The following PKM variants were observed in gnomAD, a reference collection of about 807,000 sequenced individuals.
PKM encodes the protein pyruvate kinase PKM.
Under a neutral mutation model 49.8 loss-of-function variants are expected in PKM, and 18 were observed. The observed-to-expected ratio is 0.36, with a 90% confidence interval of 0.25 to 0.54. The LOEUF (loss-of-function observed/expected upper bound fraction) is 0.54. PKM is among the 20% of genes least tolerant of loss of function. The pLI is 0.89. For synonymous variants in PKM, 239 were observed against 261.8 expected (o/e 0.91, Z 0.84); for missense variants, 508 against 713.8 (o/e 0.71, Z 3.28).
At chr15:72,224,121 G>A (rs1312956371) in intron 1 of PKM, among the ~76,000 whole-genome samples, 1 of 152,172 alleles carries the variant, frequency 6.6e-6, no homozygotes, top group Non-Finnish European at 1.5e-5. Flanking sequence ...GTCCTCAGAT[G>A]CCGAGGATTT....
At chr15:72,206,475 G>A (rs1379863981) in intron 8 of PKM, 2 of 546,772 alleles carry the variant, frequency 3.7e-6, no homozygotes, top group African/African-American at 1.9e-5. Context: ...TAAACTGTGT[G>A]GTGTCCAATG....
intron 1 of PKM, among the ~76,000 whole-genome samples, chr15:72,225,088 A>ATTTT (rs59687887): frequency 8.6e-6 from 1 of 116,646 alleles, no homozygotes; most frequent in Admixed American, 9.1e-5. Flanking sequence ...GGCCCGGCTA[A>ATTTT]TTTTTTTTTT....
chr15:72,218,940 T>C lies in PKM; in HGVS notation c.154+4A>G. 6.2e-7 allele frequency: 1 copy of C among 1,614,084 alleles called. No homozygotes were observed. The highest frequency in any genetic ancestry group is 8.5e-7 in the Non-Finnish European group (1 of 1,180,004). On this transcript the variant is annotated splice_donor_region_variant and intron_variant, in intron 2 of 10. Coordinates refer to ENST00000335181, the MANE Select transcript of PKM (RefSeq NM_002654.6). Reference sequence around the variant, plus strand: ...TTTTTGGGGGAAGGGGCACACCCACTCACCAATGGTACAGATGATGCCAGT... The same window carrying C: ...TTTTTGGGGGAAGGGGCACACCCACCCACCAATGGTACAGATGATGCCAGT...
intron 1 of PKM, among the ~76,000 whole-genome samples, chr15:72,225,285 A>AT (rs1024939857): frequency 2.6e-5 from 4 of 151,240 alleles, no homozygotes; most frequent in Non-Finnish European, 5.9e-5. Context: ...TATACAGTTC[A>AT]TTTTTTCTCC....
chr15:72,203,529 C>T, intron 8 of PKM: 1 of 356,290 alleles, frequency 2.8e-6, no homozygotes, highest in Non-Finnish European at 5.4e-6. Context: ...TGGCAGAGGA[C>T]TTGACCACGC....
At chr15:72,222,250 G>A (rs886198939) in intron 1 of PKM, among the ~76,000 whole-genome samples, 2 of 152,188 alleles carry the variant, frequency 1.3e-5, no homozygotes, top group East Asian at 3.8e-4. Flanking sequence ...TTGCTTGTCA[G>A]CAAGTTCATC....
At chr15:72,205,098 C>T (rs1460918763) in intron 8 of PKM, among the ~76,000 whole-genome samples, 2 of 148,880 alleles carry the variant, frequency 1.3e-5, no homozygotes, top group African/African-American at 5.2e-5. Flanking sequence ...CACTCTCTAC[C>T]GATTTTTTTG....
rs372610776 is a variant in PKM, at chr15:72,211,260, G to A, written c.247-782C>T. On this transcript the variant is annotated intron_variant, in intron 3 of 10. Transcript: ENST00000335181. Reference sequence around the variant, plus strand: ...CTTCTTCGATTTTTAGTAGAGACGGGGTTTCACCATGTTAGCCAGGATGGT... The same window carrying A: ...CTTCTTCGATTTTTAGTAGAGACGGAGTTTCACCATGTTAGCCAGGATGGT... Among the ~76,000 whole-genome samples the A allele has an allele frequency of 8.2e-4, 124 of 152,000 alleles. No homozygotes were observed. The South Asian group carries it at 0.023, about 28-fold the overall frequency.
Position 72,199,474 on chromosome 15 carries a change from T to C in PKM, c.*176A>G, listed in dbSNP as rs1197825579. ...GCAGCCAGGCTCTGGGCTGTCCCACTAGAGCAGGCTGCAAACACAGCCATG... is the reference window on the plus strand; with the variant it reads ...GCAGCCAGGCTCTGGGCTGTCCCACCAGAGCAGGCTGCAAACACAGCCATG... On this transcript the variant is annotated 3_prime_UTR_variant, in exon 11 of 11. Transcript: ENST00000335181. The C allele has an allele frequency of 2.8e-6, 2 of 703,040 alleles. No homozygotes were observed. Among genetic ancestry groups the C allele is most frequent in the Non-Finnish European group, 5.2e-6 (2 of 382,458 alleles). The allele number at this position is 703,040 out of a possible 1,614,324, so 43.6% of individuals were successfully genotyped here.
chr15:72,203,224 G>A (rs759323466), intron 8 of PKM: 4 of 1,584,516 alleles, frequency 2.5e-6, no homozygotes, highest in South Asian at 1.1e-5. Flanking sequence ...CAAGGAAGAG[G>A]GAAGGAGGAG....
chr15:72,211,811 GA>G (rs575356129), intron 3 of PKM, among the ~76,000 whole-genome samples: 5,907 of 91,696 alleles, frequency 0.064, 293 homozygotes, highest in African/African-American at 0.17. Context: ...CCTATCTCAA[GA>G]AAAAAAAAAA....
chr15:72,199,107 A>C lies in PKM; in HGVS notation c.*543T>G, dbSNP rs551403089. ...TGGAGGTGCTGCAGTAGTGGGGGAA[A>C]ATGGAAGGTGGAGGGTGGAGTGTTT... On this transcript the variant is annotated 3_prime_UTR_variant, in exon 11 of 11. Coordinates refer to ENST00000335181, the MANE Select transcript of PKM (RefSeq NM_002654.6). 1.3e-4 allele frequency: 38 copies of C among 284,670 alleles called. No individual in the cohort carries two copies. Among genetic ancestry groups the C allele is most frequent in the African/African-American group, 8.2e-4 (37 of 45,122 alleles). 17.6% of individuals were successfully genotyped at this position (284,670 alleles called of 1,614,324 possible).
intron 1 of PKM, chr15:72,228,511 A>T: frequency 1.9e-6 from 1 of 524,010 alleles, no homozygotes; most frequent in Non-Finnish European, 3.4e-6. Flanking sequence ...TCATTATCTG[A>T]CTCACTGAAA....
At chr15:72,212,778 A>C (rs1367034265) in intron 3 of PKM, among the ~76,000 whole-genome samples, 1 of 152,070 alleles carries the variant, frequency 6.6e-6, no homozygotes, top group Admixed American at 6.6e-5. Context: ...TTTAAAAGTC[A>C]ACCTTAACTC....
chr15:72,217,257 A>C (rs1343736488), intron 3 of PKM, 152 bp downstream of exon 3: 1 of 654,804 alleles, frequency 1.5e-6, no homozygotes. Flanking sequence ...AGAGGGAAGG[A>C]GAGTAGGGAT....
intron 3 of PKM, among the ~76,000 whole-genome samples, chr15:72,216,149 C>T (rs2082371694): frequency 6.6e-6 from 1 of 152,252 alleles, no homozygotes. Flanking sequence ...TTAATACCAA[C>T]TTCCAAATGC....
intron 4 of PKM, 156 bp from the exon 5 acceptor site, chr15:72,210,015 T>C (rs1051059313): frequency 2.8e-6 from 2 of 705,796 alleles, no homozygotes; most frequent in Non-Finnish European, 5.1e-6. Context: ...CTCTGTATAC[T>C]TCACGGAAAT....
At chr15:72,228,315 G>C (rs1250779046) in intron 1 of PKM, among the ~76,000 whole-genome samples, 1 of 151,004 alleles carries the variant, frequency 6.6e-6, no homozygotes, top group Non-Finnish European at 1.5e-5. Context: ...CTACACTTAA[G>C]CTCTTAAGGC....
intron 1 of PKM, among the ~76,000 whole-genome samples, chr15:72,227,459 A>G (rs2082703425): frequency 6.6e-6 from 1 of 152,206 alleles, no homozygotes; most frequent in Non-Finnish European, 1.5e-5. Flanking sequence ...TAAAAGCTGA[A>G]GCAGGCCAGG....
Sources: allele counts gnomAD v4.1 joint callset (sites outside exome capture counted in the v4.1 genomes callset), GRCh38; gene constraint gnomAD v4.1.1; transcripts MANE v1.5; gene names NCBI Gene and HGNC (gene_info 2026-07-23, HGNC 2026-07-21).